Variants in ARHGEF7 observed in about 807,000 individuals in gnomAD.
ARHGEF7 encodes the protein PAK-interacting exchange factor beta.
A neutral mutation model predicts 109.8 loss-of-function variants in ARHGEF7; 33 were observed. The ratio of observed to expected loss-of-function variants is 0.30; its 90% CI spans 0.23 to 0.40. The LOEUF (loss-of-function observed/expected upper bound fraction) is 0.40, where lower values mean the gene tolerates loss of function less well. Ranked by LOEUF, ARHGEF7 falls within the 10% of genes least tolerant of loss-of-function variation. The pLI is 1.00. For missense variants in ARHGEF7, 938 were observed against 1,098.5 expected, an observed-to-expected ratio of 0.85 and a Z score of 2.07; for synonymous variants, 458 against 424.6, an observed-to-expected ratio of 1.08 and a Z score of -0.97.
intron 2 of ARHGEF7, among the ~76,000 whole-genome samples, chr13:111,192,879 T>A (rs949451202): frequency 6.6e-6 from 1 of 152,194 alleles, no homozygotes; most frequent in Non-Finnish European, 1.5e-5. Context: ...TGTAGAGGTA[T>A]CAACACACAC....
chr13:111,123,750 A>G (rs771549526), intron 1 of ARHGEF7, among the ~76,000 whole-genome samples: 1 of 151,872 alleles, frequency 6.6e-6, no homozygotes, highest in Non-Finnish European at 1.5e-5. Context: ...AATGGATTTA[A>G]CCCTCCTCAC....
chr13:111,115,515 C>A lies in ARHGEF7; in HGVS notation c.-12C>A. The A allele has an allele frequency of 7.6e-7, 1 of 1,323,946 alleles. No homozygotes were observed. 82.0% of individuals were successfully genotyped at this position (1,323,946 alleles called of 1,614,324 possible). ...CGCGCGCCCCTCCCCGCCTGCCTCC[C>A]GGGCCGCAGCGATGAATTCCGCCGA... On this transcript the variant is annotated 5_prime_UTR_variant, in exon 1 of 22. Coordinates refer to ENST00000646102, the MANE Select transcript of ARHGEF7 (RefSeq NM_001354046.2).
At chr13:111,126,322 C>G (rs1181666158) in intron 1 of ARHGEF7, among the ~76,000 whole-genome samples, 1 of 152,148 alleles carries the variant, frequency 6.6e-6, no homozygotes. Context: ...AAAACCCTGT[C>G]TCTTCTAAAA....
intron 1 of ARHGEF7, among the ~76,000 whole-genome samples, chr13:111,118,209 T>C (rs1029749796): frequency 6.6e-6 from 1 of 152,224 alleles, no homozygotes; most frequent in Non-Finnish European, 1.5e-5. Context: ...TAAGAAACCA[T>C]GCCCTAATGT....
At chr13:111,157,660 G>A (rs545099565) in intron 2 of ARHGEF7, among the ~76,000 whole-genome samples, 1 of 152,284 alleles carries the variant, frequency 6.6e-6, no homozygotes, top group African/African-American at 2.4e-5. Context: ...CAAGTGATAG[G>A]ACATTTCTTT....
rs1268315545 is a variant in ARHGEF7 at position 111,305,502 on chromosome 13, G to C, written c.*2389G>C. 2 of 152,250 alleles carry C rather than the reference G, an allele frequency of 1.3e-5. No individual in the cohort carries two copies. Among genetic ancestry groups the C allele is most frequent in the African/African-American group, 4.8e-5 (2 of 41,464 alleles). The allele number at this position is 152,250 out of a possible 1,614,324, so 9.4% of individuals were successfully genotyped here. A position where few individuals can be genotyped will look rare whatever the true frequency, so the allele number is the denominator to read the frequency against. ...AGCTCGTTCCTTCACACTCAGTGGC[G>C]TCTGTGCTTGTCCACATGCGCTGGG... On this transcript the variant is annotated 3_prime_UTR_variant, in exon 22 of 22. Coordinates refer to ENST00000646102, the MANE Select transcript of ARHGEF7 (RefSeq NM_001354046.2).
intron 1 of ARHGEF7, among the ~76,000 whole-genome samples, chr13:111,115,956 G>T (rs558301783): frequency 4.6e-5 from 7 of 151,950 alleles, no homozygotes; most frequent in Non-Finnish European, 8.8e-5. Context: ...AGAGTGCACC[G>T]CAGCGAGGAG....
intron 2 of ARHGEF7, among the ~76,000 whole-genome samples, chr13:111,174,968 T>C (rs2077991457): frequency 6.6e-6 from 1 of 152,242 alleles, no homozygotes; most frequent in South Asian, 2.1e-4. Context: ...GGGATCTTGC[T>C]GTCTCCTCCT....
chr13:111,221,619 T>G (rs2153505543), intron 5 of ARHGEF7, among the ~76,000 whole-genome samples: 1 of 108,110 alleles, frequency 9.2e-6, no homozygotes, highest in Admixed American at 1.1e-4. Context: ...CCCCTTTATA[T>G]GTATATATAT....
chr13:111,206,313 C>G (rs879572854), intron 3 of ARHGEF7, among the ~76,000 whole-genome samples: 1 of 151,906 alleles, frequency 6.6e-6, no homozygotes, highest in Non-Finnish European at 1.5e-5. Context: ...TCCTGGCTCC[C>G]GGAGGCTTCA....
chr13:111,249,530 A>G (rs1340067272), intron 8 of ARHGEF7, among the ~76,000 whole-genome samples: 2 of 152,012 alleles, frequency 1.3e-5, no homozygotes, highest in East Asian at 1.9e-4. Context: ...GTAAGCCTGC[A>G]TTTTACACGG....
rs777953552 is a variant in ARHGEF7, at chr13:111,205,389, A to T, written c.337+16A>T. 6.4e-7 allele frequency: 1 copy of T among 1,557,176 alleles called. No individual in the cohort carries two copies. On this transcript the variant is annotated intron_variant, in intron 3 of 21. Transcript: ENST00000646102. ...GTAACAGCAGGTAAGACTCTTTTTT[A>T]TTGAACTCGAGGGGGTGGGAAGACA...
At chr13:111,133,785 ATATATATATATATATATATATATATAT>A (rs1566606693) in intron 1 of ARHGEF7, among the ~76,000 whole-genome samples, 1,097 of 99,950 alleles carry the variant, frequency 0.011, 92 homozygotes, top group African/African-American at 0.039. Context: ...ATATATATAT[ATATATATATATATATATATATATATAT>A]ATTTATTATA....
At chr13:111,158,954 C>G in intron 2 of ARHGEF7, 1 of 713,454 alleles carries the variant, frequency 1.4e-6, no homozygotes, top group South Asian at 1.5e-5. Flanking sequence ...TACAATAGAT[C>G]ACTAAAATTT....
intron 18 of ARHGEF7, among the ~76,000 whole-genome samples, chr13:111,290,105 A>G (rs1232194161): frequency 1.1e-4 from 17 of 152,236 alleles, no homozygotes; most frequent in Non-Finnish European, 1.5e-5. Context: ...AGGCTGTAAA[A>G]TGTGGCCATA....
chr13:111,207,911 G>T (rs1419433872), intron 3 of ARHGEF7, among the ~76,000 whole-genome samples: 2 of 152,198 alleles, frequency 1.3e-5, no homozygotes, highest in Non-Finnish European at 2.9e-5. Flanking sequence ...GACAAATTTG[G>T]AAGTTACCAC....
chr13:111,291,951 T>C (rs1205346475), intron 18 of ARHGEF7, among the ~76,000 whole-genome samples, 167 bp from the exon 19 acceptor site: 1 of 152,218 alleles, frequency 6.6e-6, no homozygotes, highest in African/African-American at 2.4e-5. Flanking sequence ...AACCCAGCCG[T>C]ATATAAGGAA....
intron 15 of ARHGEF7, among the ~76,000 whole-genome samples, chr13:111,282,519 G>A (rs1288421084): frequency 6.6e-6 from 1 of 152,172 alleles, no homozygotes; most frequent in Non-Finnish European, 1.5e-5. Context: ...TAATACCAGG[G>A]TTTGGCAGTG....
chr13:111,252,334 A>G (rs1446463685), intron 8 of ARHGEF7, among the ~76,000 whole-genome samples: 2 of 152,346 alleles, frequency 1.3e-5, no homozygotes, highest in African/African-American at 4.8e-5. Context: ...TAGTTAAGAT[A>G]AGATAGTGAG....
Sources: allele counts gnomAD v4.1 joint callset (sites outside exome capture counted in the v4.1 genomes callset), GRCh38; gene constraint gnomAD v4.1.1; transcripts MANE v1.5; gene names NCBI Gene and HGNC (gene_info 2026-07-23, HGNC 2026-07-21).